PUS7: variants seen among roughly 807,000 people sequenced by gnomAD.
PUS7 encodes pseudouridine synthase 7.
In PUS7, 48 loss-of-function variants were observed where a neutral mutation model predicts 79.8. That is an observed-to-expected ratio of 0.60 (90% CI 0.48 to 0.76). The LOEUF (loss-of-function observed/expected upper bound fraction) is 0.76. Among genes scored for constraint, PUS7 ranks in the 30% least tolerant of loss-of-function variants. The pLI, the probability that PUS7 is intolerant of heterozygous loss-of-function variation, is 0.00. For synonymous variants in PUS7, 286 were observed against 272.2 expected, an observed-to-expected ratio of 1.05 and a Z score of -0.50; for missense variants, 729 against 797.6, an observed-to-expected ratio of 0.91 and a Z score of 1.04.
At chr7:105,474,914 T>C (rs2133097152) in intron 9 of PUS7, among the ~76,000 whole-genome samples, 1 of 152,362 alleles carries the variant, frequency 6.6e-6, no homozygotes, top group African/African-American at 2.4e-5. Flanking sequence ...ATATTGTCCA[T>C]GGCTGCTTTT....
Position 105,508,183 on chromosome 7 carries a change from A to C in PUS7, c.330T>G (p.Thr110=). 1 of 1,614,172 alleles carries C rather than the reference A, an allele frequency of 6.2e-7. No homozygotes were observed. ...ACTTGGTGATGCCTACGTCAGCCTC[A>C]GTGAGTCCATGCTTCATCATGTCTG... ...SFADMMKHGL[T]EADVGITKFV... is the part of the protein sequence containing the mutation. Residue 110 remains threonine, a synonymous_variant, in exon 2 of 16, where the codon ACT becomes ACG. Coordinates refer to ENST00000469408, the MANE Select transcript of PUS7 (RefSeq NM_019042.5).
intron 4 of PUS7, 52 bp downstream of exon 4, chr7:105,505,902 CA>C: frequency 7.1e-7 from 1 of 1,417,622 alleles, no homozygotes; most frequent in Non-Finnish European, 9.8e-7. Flanking sequence ...AACATCCACC[CA>C]AAAAGCAACT....
At chr7:105,511,775 G>GAACAA (rs1443749292) in intron 1 of PUS7, among the ~76,000 whole-genome samples, 2 of 151,398 alleles carry the variant, frequency 1.3e-5, no homozygotes, top group Non-Finnish European at 1.5e-5. Flanking sequence ...AAAACAAAAC[G>GAACAA]AACAAAACAA....
At chr7:105,519,899 C>T (rs538785219) in intron 1 of PUS7, among the ~76,000 whole-genome samples, 1 of 152,286 alleles carries the variant, frequency 6.6e-6, no homozygotes, top group African/African-American at 2.4e-5. Flanking sequence ...CCGAACAGCA[C>T]GTGTAAAGGA....
At chr7:105,478,863 C>A (rs933563302) in intron 9 of PUS7, among the ~76,000 whole-genome samples, 1 of 152,152 alleles carries the variant, frequency 6.6e-6, no homozygotes, top group Non-Finnish European at 1.5e-5. Context: ...TTTGGTCACG[C>A]TATGTAATTT....
chr7:105,479,064 G>T (rs1413426001), intron 9 of PUS7, among the ~76,000 whole-genome samples: 1 of 152,112 alleles, frequency 6.6e-6, no homozygotes, highest in Non-Finnish European at 1.5e-5. Context: ...AATGTCCTCT[G>T]ACCATTAGCA....
intron 5 of PUS7, among the ~76,000 whole-genome samples, chr7:105,495,532 A>T (rs1278883779): frequency 6.6e-6 from 1 of 152,056 alleles, no homozygotes; most frequent in Non-Finnish European, 1.5e-5. Context: ...GGCGGGCAAG[A>T]TGGCTTGAGC....
At chr7:105,516,479 T>C (rs1825900141) in intron 1 of PUS7, among the ~76,000 whole-genome samples, 3 of 151,890 alleles carry the variant, frequency 2.0e-5, no homozygotes, top group Non-Finnish European at 4.4e-5. Flanking sequence ...GTTTTGCTCT[T>C]GTTGCCCAGG....
intron 13 of PUS7, among the ~76,000 whole-genome samples, 193 bp downstream of exon 13, chr7:105,465,120 A>T (rs1182113857): frequency 6.6e-6 from 1 of 151,964 alleles, no homozygotes; most frequent in Non-Finnish European, 1.5e-5. Flanking sequence ...ACCGTGCCTG[A>T]CCTATTTATT....
In PUS7 at chr7:105,470,119, C is replaced by T. The variant is rs1217449781; in HGVS notation, c.1398+569G>A. On this transcript the variant is annotated intron_variant, in intron 11 of 15. Transcript: ENST00000469408. The stretch of plus-strand genomic sequence containing the variant: ...AAATGATTGAACTGACAACTAATTC[C>T]ATGCAGCAAGAATTCTGCTTTCTTT... Among the ~76,000 whole-genome samples the T allele has an allele frequency of 2.0e-5, 3 of 152,284 alleles. No individual in the cohort carries two copies. The East Asian group carries it at 5.8e-4, about 29-fold the overall frequency.
intron 1 of PUS7, among the ~76,000 whole-genome samples, chr7:105,517,276 C>A (rs1270245928): frequency 6.6e-6 from 1 of 151,900 alleles, no homozygotes; most frequent in Non-Finnish European, 1.5e-5. Flanking sequence ...CCCGCCTCAG[C>A]CTCCCAAGTA....
chr7:105,465,638 GC>G (rs1165193524), intron 12 of PUS7, among the ~76,000 whole-genome samples: 11 of 152,066 alleles, frequency 7.2e-5, no homozygotes, highest in African/African-American at 2.7e-4. Flanking sequence ...TTCGAGACCA[GC>G]CTGACCAACA....
rs904201969 is a variant in PUS7 at position 105,482,245 on chromosome 7, G to A, written c.1049+67C>T. On this transcript the variant is annotated intron_variant, in intron 8 of 15. Coordinates refer to ENST00000469408, the MANE Select transcript of PUS7 (RefSeq NM_019042.5). ...GCTCACCAGGACCTTATGACCAACC[G>A]TGAGTAACATACTCAAGATGCCCTG... 1.2e-5 allele frequency: 18 copies of A among 1,540,532 alleles called. No individual in the cohort carries two copies. In the Admixed American group the frequency reaches 1.2e-4, roughly 11 times the overall value.
rs1216756883 is a variant in PUS7 at position 105,482,345 on chromosome 7, T to G, written c.1016A>C (p.Glu339Ala). Residue 339 changes from glutamate to alanine, a missense_variant, in exon 8 of 16, where the codon GAG (glutamate) becomes GCG (alanine). Transcript: ENST00000469408. ...AACAGTGAAGTGGTTTCCTTGAAGCTCTCCCAATTTCAGTGGGTTTTTTTG... is the reference window on the plus strand; with the variant it reads ...AACAGTGAAGTGGTTTCCTTGAAGCGCTCCCAATTTCAGTGGGTTTTTTTG... The part of the protein sequence containing the change: ...SYQKNPLKLG[E>A]LQGNHFTVVL... The G allele has an allele frequency of 6.2e-7, 1 of 1,613,234 alleles. No homozygotes were observed. Among genetic ancestry groups the G allele is most frequent in the Non-Finnish European group, 8.5e-7 (1 of 1,179,656 alleles).
intron 4 of PUS7, 139 bp downstream of exon 4, chr7:105,505,816 A>T: frequency 1.6e-6 from 1 of 632,746 alleles, no homozygotes; most frequent in Non-Finnish European, 2.7e-6. Context: ...AAAATTTTTT[A>T]GTGTAATATC....
chr7:105,474,185 A>C lies in PUS7; in HGVS notation c.1176-1992T>G, dbSNP rs1463077604. Among the ~76,000 whole-genome samples, 3 of 152,158 alleles carry C rather than the reference A, an allele frequency of 2.0e-5. No individual in the cohort carries two copies. The East Asian group carries it at 5.8e-4, about 29-fold the overall frequency. On this transcript the variant is annotated intron_variant, in intron 9 of 15. Transcript: ENST00000469408. Reference sequence around the variant, plus strand: ...TTTATTTTCACATTTAAGTTACACAATACTGGGCATTTCTGGATATTAAAT... The same window carrying C: ...TTTATTTTCACATTTAAGTTACACACTACTGGGCATTTCTGGATATTAAAT...
chr7:105,498,906 C>T (rs983294043), intron 5 of PUS7, among the ~76,000 whole-genome samples: 8 of 152,164 alleles, frequency 5.3e-5, no homozygotes, highest in African/African-American at 1.9e-4. Context: ...GGATTACAGG[C>T]GTGAGCCACT....
intron 1 of PUS7, among the ~76,000 whole-genome samples, chr7:105,515,791 T>TTTATTTATTTATTTA (rs59653781): frequency 0.022 from 2,688 of 121,210 alleles, 50 homozygotes; most frequent in African/African-American, 0.038. Context: ...TTTTATTTTA[T>TTTATTTATTTATTTA]TTTATTTATT....
Position 105,457,657 on chromosome 7 carries a change from AACTT to A in PUS7, c.*129_*132del, listed in dbSNP as rs1182614545. ...CAAATTATTTCTTTAAGCTAATAAAAACTTAAAAATACAAATAATTTTTATTACA... is the reference window on the plus strand; with the variant it reads ...CAAATTATTTCTTTAAGCTAATAAAAAAAAATACAAATAATTTTTATTACA... On this transcript the variant is annotated 3_prime_UTR_variant, in exon 16 of 16. Coordinates refer to ENST00000469408, the MANE Select transcript of PUS7 (RefSeq NM_019042.5). 2.1e-5 allele frequency: 19 copies of A among 911,474 alleles called. No individual in the cohort carries two copies. The African/African-American group carries it at 2.9e-4, about 14-fold the overall frequency. 56.5% of individuals were successfully genotyped at this position (911,474 alleles called of 1,614,324 possible).
Sources: allele counts gnomAD v4.1 joint callset (sites outside exome capture counted in the v4.1 genomes callset), GRCh38; gene constraint gnomAD v4.1.1; transcripts MANE v1.5; gene names NCBI Gene and HGNC (gene_info 2026-07-23, HGNC 2026-07-21).